Variants in IL10 observed in about 807,000 individuals in gnomAD.
IL10 encodes interleukin 10.
Under a neutral mutation model 21.0 loss-of-function variants are expected in IL10, and 7 were observed. The ratio of observed to expected loss-of-function variants is 0.33; its 90% confidence interval spans 0.19 to 0.63. IL10 has a LOEUF of 0.63. Among genes scored for constraint, IL10 ranks in the 20% least tolerant of loss-of-function variants. The pLI is 0.77. For synonymous variants in IL10, 83 were observed against 79.7 expected (o/e 1.04, Z -0.22); for missense variants, 161 against 213.0 (o/e 0.76, Z 1.52).
At chr1:206,770,878 G>A in intron 3 of IL10, 29 bp downstream of exon 3, 1 of 1,611,624 alleles carries the variant, frequency 6.2e-7, no homozygotes, top group Non-Finnish European at 8.5e-7. Flanking sequence ...GGGGGCAGCT[G>A]CAAGGGAAAA....
intron 1 of IL10, 87 bp downstream of exon 1, chr1:206,772,184 C>T (rs750977128): frequency 2.5e-6 from 3 of 1,181,986 alleles, no homozygotes; most frequent in Non-Finnish European, 3.8e-6. Context: ...GGTGGAGGCG[C>T]AGGAGGAGGG....
chr1:206,769,418 G>T (rs1026783381), intron 4 of IL10, among the ~76,000 whole-genome samples: 1 of 152,246 alleles, frequency 6.6e-6, no homozygotes, highest in Non-Finnish European at 1.5e-5. Context: ...TGGGGAGTCT[G>T]GGCTGAACCC....
chr1:206,770,770 A>C, intron 3 of IL10, 137 bp downstream of exon 3: 1 of 881,126 alleles, frequency 1.1e-6, no homozygotes, highest in South Asian at 1.4e-5. Flanking sequence ...ATCTGACTCC[A>C]GGAGTCTTTC....
Position 206,771,259 on chromosome 1 carries a change from C to T in IL10, c.225+97G>A, listed in dbSNP as rs534191384. Reference sequence around the variant, plus strand: ...ATCTTCCCACTTCTCCTTTTCAAAGCGAAGGAAACAAACCCAATTCCCTGC... The same window carrying T: ...ATCTTCCCACTTCTCCTTTTCAAAGTGAAGGAAACAAACCCAATTCCCTGC... On this transcript the variant is annotated intron_variant, in intron 2 of 4. Transcript: ENST00000423557. 2.4e-4 allele frequency: 298 copies of T among 1,263,962 alleles called. 3 individuals are homozygous for T. In the East Asian group the frequency reaches 5.9e-3, roughly 25 times the overall value. 78.3% of individuals were successfully genotyped at this position (1,263,962 alleles called of 1,614,324 possible).
At chr1:206,771,095 C>T (rs569399482) in intron 2 of IL10, 36 bp from the exon 3 acceptor site, 21 of 1,612,594 alleles carry the variant, frequency 1.3e-5, no homozygotes, top group Admixed American at 1.0e-4. Context: ...GAGAGATTGG[C>T]GGAGGTGGCT....
In IL10 at chr1:206,772,336, G is replaced by A; in HGVS notation, c.100C>T (p.Pro34Ser). ...TQSENSCTHFPGNLPNMLRDL... is the reference protein window; with the variant it reads ...TQSENSCTHFSGNLPNMLRDL... The stretch of plus-strand genomic sequence containing the variant: ...CGAAGCATGTTAGGCAGGTTGCCTG[G>A]GAAGTGGGTGCAGCTGTTCTCAGAC... Residue 34 changes from proline to serine, a missense_variant, in exon 1 of 5, where the codon CCA (proline) becomes TCA (serine). Pro to Ser is a moderately conservative substitution (Grantham distance 74, BLOSUM62 -1). Coordinates refer to ENST00000423557, the MANE Select transcript of IL10 (RefSeq NM_000572.3). 2.5e-6 allele frequency: 4 copies of A among 1,614,232 alleles called. No homozygotes were observed. Among genetic ancestry groups the A allele is most frequent in the Non-Finnish European group, 3.4e-6 (4 of 1,180,032 alleles).
chr1:206,768,279 T>C lies in IL10; in HGVS notation c.*357A>G. Reference sequence around the variant, plus strand: ...CTAGAAAGCGTGGTCAGGCTTGGAATGGAAGCTTCTGTTGGCTCCCCAAAG... The same window carrying C: ...CTAGAAAGCGTGGTCAGGCTTGGAACGGAAGCTTCTGTTGGCTCCCCAAAG... On this transcript the variant is annotated 3_prime_UTR_variant, in exon 5 of 5. Transcript: ENST00000423557. The C allele has an allele frequency of 3.2e-6, 1 of 309,598 alleles. No homozygotes were observed. The highest frequency in any genetic ancestry group is 5.3e-5 in the South Asian group (1 of 18,958). 19.2% of individuals were successfully genotyped at this position (309,598 alleles called of 1,614,324 possible). A position where few individuals can be genotyped will look rare whatever the true frequency, so the allele number is the denominator to read the frequency against.
At chr1:206,768,817 C>A in intron 4 of IL10, 89 bp from the exon 5 acceptor site, 1 of 796,520 alleles carries the variant, frequency 1.3e-6, no homozygotes, top group South Asian at 1.4e-5. Flanking sequence ...TGGGCATGAC[C>A]TTGAGTGCAG....
intron 4 of IL10, chr1:206,769,484 A>G: frequency 2.4e-6 from 1 of 413,686 alleles, no homozygotes. Flanking sequence ...GTGTGGGTTC[A>G]GCCTAGATTC....
intron 1 of IL10, 70 bp from the exon 2 acceptor site, chr1:206,771,485 C>T (rs1469819070): frequency 9.4e-6 from 12 of 1,271,254 alleles, no homozygotes; most frequent in African/African-American, 1.5e-5. Flanking sequence ...CTTTTTGATG[C>T]CCTTTCATTT....
chr1:206,770,945 C>T lies in IL10; in HGVS notation c.340G>A (p.Glu114Lys). ...CTCAGCCTGAGGGTCTTCAGGTTCTCCCCCAGGGAGTTCACATGCGCCTTG... is the reference window on the plus strand; with the variant it reads ...CTCAGCCTGAGGGTCTTCAGGTTCTTCCCCAGGGAGTTCACATGCGCCTTG... ...DIKAHVNSLG[E>K]NLKTLRLRLR... Residue 114 changes from glutamate (E) to lysine (K), a missense_variant, in exon 3 of 5, where the codon GAG becomes AAG. Physicochemically the swap from Glu to Lys is moderately conservative, Grantham distance 56 (BLOSUM62 1). Transcript: ENST00000423557. The T allele has an allele frequency of 6.2e-7, 1 of 1,614,126 alleles. No homozygotes were observed. Among genetic ancestry groups the T allele is most frequent in the Middle Eastern group, 1.6e-4 (1 of 6,062 alleles).
chr1:206,772,097 T>G (rs1300764220), intron 1 of IL10, among the ~76,000 whole-genome samples, 174 bp downstream of exon 1: 1 of 152,232 alleles, frequency 6.6e-6, no homozygotes, highest in Non-Finnish European at 1.5e-5. Flanking sequence ...CTGGCTTAGC[T>G]TAACTCACCA....
intron 3 of IL10, chr1:206,770,449 C>T (rs1402759326): frequency 1.5e-5 from 4 of 264,664 alleles, no homozygotes; most frequent in Non-Finnish European, 2.2e-5. Context: ...GCCCCCTTGT[C>T]CCTTCTAAAA....
At chr1:206,769,170 C>T (rs113514099) in intron 4 of IL10, among the ~76,000 whole-genome samples, 1 of 152,212 alleles carries the variant, frequency 6.6e-6, no homozygotes, top group African/African-American at 2.4e-5. Flanking sequence ...GAAATTCACA[C>T]CCCCTGATGT....
At position 206,772,341 on chromosome 1, in the gene IL10, T is replaced by C. The variant is rs1674876770; in HGVS notation, c.95A>G (p.His32Arg). The C allele has an allele frequency of 6.2e-7, 1 of 1,614,066 alleles. No homozygotes were observed. The highest frequency in any genetic ancestry group is 1.7e-5 in the Admixed American group (1 of 60,002). Reference sequence around the variant, plus strand: ...CATGTTAGGCAGGTTGCCTGGGAAGTGGGTGCAGCTGTTCTCAGACTGGGT... The same window carrying C: ...CATGTTAGGCAGGTTGCCTGGGAAGCGGGTGCAGCTGTTCTCAGACTGGGT... ...QGTQSENSCT[H>R]FPGNLPNMLR... The change falls in exon 1 of 5, where the codon CAC (histidine) becomes CGC (arginine). Residue 32 changes from histidine (H) to arginine (R), a missense_variant. Transcript: ENST00000423557.
chr1:206,772,186 G>A, intron 1 of IL10, 85 bp downstream of exon 1: 1 of 1,212,486 alleles, frequency 8.2e-7, no homozygotes, highest in African/African-American at 1.5e-5. Context: ...TGGAGGCGCA[G>A]GAGGAGGGTT....
At chr1:206,769,795 T>G in intron 4 of IL10, 34 bp downstream of exon 4, 1 of 1,557,078 alleles carries the variant, frequency 6.4e-7, no homozygotes, top group African/African-American at 1.4e-5. Flanking sequence ...TGGGTTGTGC[T>G]CTGCAGACCC....
chr1:206,769,260 G>A lies in IL10; in HGVS notation c.445-532C>T, dbSNP rs529073329. Among the ~76,000 whole-genome samples, 10 of 152,330 alleles carry A rather than the reference G, an allele frequency of 6.6e-5. No homozygotes were observed. The South Asian group carries it at 2.1e-3, about 32-fold the overall frequency. The stretch of plus-strand genomic sequence containing the variant: ...GTTTCTGGGAAATCAGACTGAAAAA[G>A]TTCACGCACAGTTGGAAGTGTGAAA... On this transcript the variant is annotated intron_variant, in intron 4 of 4. Coordinates refer to ENST00000423557, the MANE Select transcript of IL10 (RefSeq NM_000572.3).
chr1:206,769,053 G>A (rs544287270), intron 4 of IL10, among the ~76,000 whole-genome samples: 4 of 152,174 alleles, frequency 2.6e-5, no homozygotes, highest in African/African-American at 9.7e-5. Flanking sequence ...TAGAGGAAGC[G>A]CTTCGAAAGC....
Sources: gnomAD v4.1 joint callset for allele counts (sites outside exome capture counted in the v4.1 genomes callset) on GRCh38, gnomAD v4.1.1 for gene constraint, MANE v1.5 for transcripts, NCBI Gene and HGNC (gene_info 2026-07-23, HGNC 2026-07-21) for gene names.